The following PNKP variants were observed in gnomAD, a reference collection of about 807,000 sequenced individuals.
The protein encoded by PNKP is polynucleotide kinase 3'-phosphatase.
Under a neutral mutation model 66.2 loss-of-function variants are expected in PNKP, and 82 were observed. The ratio of observed to expected loss-of-function variants is 1.24; its 90% CI spans 1.04 to 1.49. PNKP has a LOEUF of 1.49. PNKP is among the 40% of genes most tolerant of loss of function. PNKP has a pLI of 0.00. For missense variants in PNKP, 907 were observed against 706.8 expected (o/e 1.28, Z -3.21); for synonymous variants, 412 against 298.9 (o/e 1.38, Z -3.90).
At position 49,865,290 on chromosome 19, in the gene PNKP, G is replaced by C. The variant is rs567905136; in HGVS notation, c.335C>G (p.Pro112Arg). 42 of 1,614,228 alleles carry C rather than the reference G, an allele frequency of 2.6e-5. No individual in the cohort carries two copies. The East Asian group carries it at 7.6e-4, about 29-fold the overall frequency. ...AGGCGGAGTATCTGGCTGGGATTCT[G>C]GTGTGCGGGTCTCTTCCCAGCGCAG... Reference protein sequence around the residue: ...LTLRWEETRTPESQPDTPPGT... With the variant: ...LTLRWEETRTRESQPDTPPGT... The change falls in exon 4 of 17, where the codon CCA becomes CGA. Residue 112 changes from proline to arginine, a missense_variant. Transcript: ENST00000322344.
chr19:49,866,677 C>G, intron 2 of PNKP: 1 of 630,622 alleles, frequency 1.6e-6, no homozygotes, highest in South Asian at 1.8e-5. Context: ...TGGTTTCCTC[C>G]TTGACAAAAA....
chr19:49,863,485 G>A (rs930937324), intron 8 of PNKP, among the ~76,000 whole-genome samples: 3 of 152,236 alleles, frequency 2.0e-5, no homozygotes, highest in Non-Finnish European at 4.4e-5. Context: ...ACGAAGGAAT[G>A]AACAGCTTCC....
Position 49,865,243 on chromosome 19 carries a change from C to T in PNKP, c.382G>A (p.Asp128Asn). 1 of 1,614,216 alleles carries T rather than the reference C, an allele frequency of 6.2e-7. No homozygotes were observed. Among genetic ancestry groups the T allele is most frequent in the East Asian group, 2.2e-5 (1 of 44,890 alleles). The change falls in exon 4 of 17, where the codon GAT becomes AAT. Residue 128 changes from aspartate (D) to asparagine (N), a missense_variant. Physicochemically the swap from Asp to Asn is conservative, Grantham distance 23. Coordinates refer to ENST00000322344, the MANE Select transcript of PNKP (RefSeq NM_007254.4). The part of the protein sequence containing the change: ...TPPGTPLVSQ[D>N]EKRDAELPKK... ...GGCAGCTCAGCATCTCTCTTCTCAT[C>T]TTGGGACACCAGAGGGGTGCCAGGC...
In PNKP at chr19:49,861,467, A is replaced by G. The variant is rs766655539; in HGVS notation, c.1430T>C (p.Met477Thr). 1.3e-6 allele frequency: 2 copies of G among 1,593,342 alleles called. No homozygotes were observed. The highest frequency in any genetic ancestry group is 1.4e-5 in the African/African-American group (1 of 73,478). ...TDSSHIPVSDMVMYGYRKQFE... is the reference protein window; with the variant it reads ...TDSSHIPVSDTVMYGYRKQFE... The stretch of plus-strand genomic sequence containing the variant: ...ACAGTACCTGTAGCCATACATGACC[A>G]TGTCTGACACGGGGATATGAGAGGA... The change falls in exon 16 of 17, where the codon ATG (methionine) becomes ACG (threonine). Residue 477 changes from methionine (M) to threonine (T), a missense_variant. Transcript: ENST00000322344.
rs767771095 is a variant in PNKP at position 49,862,577 on chromosome 19, C to T, written c.897G>A (p.Pro299=). Residue 299 remains proline (P), a synonymous_variant, in exon 10 of 17, where the codon CCG becomes CCA. Coordinates refer to ENST00000322344, the MANE Select transcript of PNKP (RefSeq NM_007254.4). The stretch of plus-strand genomic sequence containing the variant: ...AGGAGAAGTCTTTCTTCTTCCGCCC[C>T]GGGGCCCAGTTGGCCGGGCGTCCGG... ...DAAGRPANWA[P]GRKKKDFSCA... is the part of the protein sequence containing the mutation. 62 of 1,613,010 alleles carry T rather than the reference C, an allele frequency of 3.8e-5. No homozygotes were observed. The South Asian group carries it at 4.6e-4, about 12-fold the overall frequency.
chr19:49,866,170 C>A, intron 3 of PNKP: 2 of 563,852 alleles, frequency 3.5e-6, no homozygotes, highest in Non-Finnish European at 6.4e-6. Flanking sequence ...CCACCATTCC[C>A]GCTAATTTTT....
intron 8 of PNKP, 50 bp from the exon 9 acceptor site, chr19:49,862,788 G>A: frequency 6.3e-7 from 1 of 1,596,406 alleles, no homozygotes; most frequent in Non-Finnish European, 8.6e-7. Flanking sequence ...TCCCCCCGCA[G>A]CGGTAGCGGG....
chr19:49,862,606 C>T lies in PNKP; in HGVS notation c.868G>A (p.Ala290Thr), dbSNP rs1485940017. ...GCCCAGTTGGCCGGGCGTCCGGCTG[C>T]GTCTGGAACACACGGGACACCCCGT... is the stretch of plus-strand genomic sequence containing the variant. The part of the protein sequence containing the change: ...SIGDSIFVGD[A>T]AGRPANWAPG... The change falls in exon 10 of 17, where the codon GCA (alanine) becomes ACA (threonine). Residue 290 changes from alanine to threonine, a missense_variant and splice_region_variant. By Grantham distance (58) the Ala-to-Thr change is moderately conservative. Transcript: ENST00000322344. 4.3e-6 allele frequency: 7 copies of T among 1,613,678 alleles called. No homozygotes were observed. The African/African-American group carries it at 5.3e-5, about 12-fold the overall frequency.
chr19:49,862,359 C>T lies in PNKP; in HGVS notation c.1029+12G>A. The T allele has an allele frequency of 1.3e-6, 2 of 1,542,206 alleles. No individual in the cohort carries two copies. Among genetic ancestry groups the T allele is most frequent in the Non-Finnish European group, 1.8e-6 (2 of 1,140,786 alleles). ...TCCCATCCCCACCCCCACCCCCGCC[C>T]CAGGGCCTCACCGGATCAAAGGCTG... On this transcript the variant is annotated intron_variant, in intron 11 of 16. Coordinates refer to ENST00000322344, the MANE Select transcript of PNKP (RefSeq NM_007254.4).
chr19:49,866,472 A>T (rs1267952021), intron 2 of PNKP, 27 bp from the exon 3 acceptor site: 1 of 1,612,616 alleles, frequency 6.2e-7, no homozygotes, highest in African/African-American at 1.3e-5. Flanking sequence ...TGGAGTCAGG[A>T]TTTGCATCCT....
rs530790386 is a variant in PNKP at position 49,861,547 on chromosome 19, T to A, written c.1387-37A>T. The A allele has an allele frequency of 5.9e-5, 79 of 1,344,346 alleles. No individual in the cohort carries two copies. The South Asian group carries it at 9.8e-4, about 17-fold the overall frequency. 83.3% of individuals were successfully genotyped at this position (1,344,346 alleles called of 1,614,324 possible). A position where few individuals can be genotyped will look rare whatever the true frequency, so the allele number is the denominator to read the frequency against. On this transcript the variant is annotated intron_variant, in intron 15 of 16. Transcript: ENST00000322344. ...ATCAGAGGGGCGGCAGGCCCAGGGG[T>A]CAGGGGAGGAGGGGGGTCAGGGGGT...
At chr19:49,864,679 CT>C (rs2074805190) in intron 4 of PNKP, among the ~76,000 whole-genome samples, 1 of 152,228 alleles carries the variant, frequency 6.6e-6, no homozygotes, top group South Asian at 2.1e-4. Flanking sequence ...CAGCCTCCTT[CT>C]TCCCCTGGCC....
intron 8 of PNKP, chr19:49,862,949 C>G (rs577158650): frequency 9.1e-6 from 6 of 659,782 alleles, no homozygotes; most frequent in South Asian, 8.4e-5. Context: ...CCAGGTCTCC[C>G]GACTTCACCT....
chr19:49,866,764 G>C (rs1272709800), intron 2 of PNKP: 1 of 593,288 alleles, frequency 1.7e-6, no homozygotes, highest in Non-Finnish European at 3.0e-6. Context: ...TTCTCCACAG[G>C]ATCATTTTTC....
intron 4 of PNKP, among the ~76,000 whole-genome samples, 161 bp downstream of exon 4, chr19:49,864,966 C>T (rs1295583488): frequency 3.3e-5 from 5 of 152,332 alleles, no homozygotes; most frequent in Admixed American, 6.5e-5. Context: ...TGACATATAT[C>T]ATTCTCCCCA....
Position 49,862,184 on chromosome 19 carries a change from C to T in PNKP, c.1126+1G>A. The T allele has an allele frequency of 1.2e-6, 2 of 1,613,752 alleles. No homozygotes were observed. Among genetic ancestry groups the T allele is most frequent in the Non-Finnish European group, 1.7e-6 (2 of 1,179,724 alleles). ...CACGCGCACAGGAACAGGACACTTA[C>T]CCCCAGGGAATCCCACTGCGACAAC... On this transcript the variant is annotated splice_donor_variant, in intron 12 of 16. Coordinates refer to ENST00000322344, the MANE Select transcript of PNKP (RefSeq NM_007254.4). LOFTEE classifies it high-confidence loss of function.
chr19:49,866,993 C>T, intron 2 of PNKP, 61 bp downstream of exon 2: 1 of 1,535,470 alleles, frequency 6.5e-7, no homozygotes, highest in Non-Finnish European at 9.0e-7. Flanking sequence ...GCCAAGCGTC[C>T]CTCTGGATTG....
chr19:49,862,196 C>T lies in PNKP; in HGVS notation c.1115G>A (p.Gly372Glu). The part of the protein sequence containing the change: ...SASPEVVVAV[G>E]FPGAGKSTFL... The stretch of plus-strand genomic sequence containing the variant: ...AACAGGACACTTACCCCCAGGGAAT[C>T]CCACTGCGACAACCACCTCCGGGCT... Residue 372 changes from glycine (G) to glutamate (E), a missense_variant, in exon 12 of 17, where the codon GGA becomes GAA. Gly to Glu is a moderately conservative substitution (Grantham distance 98). Coordinates refer to ENST00000322344, the MANE Select transcript of PNKP (RefSeq NM_007254.4). The T allele has an allele frequency of 6.2e-7, 1 of 1,613,802 alleles. No homozygotes were observed. The highest frequency in any genetic ancestry group is 1.7e-5 in the Admixed American group (1 of 59,990).
At chr19:49,866,515 T>G (rs1372871308) in intron 2 of PNKP, 70 bp from the exon 3 acceptor site, 1 of 1,458,702 alleles carries the variant, frequency 6.9e-7, no homozygotes, top group East Asian at 2.3e-5. Context: ...CTGGGGAGTG[T>G]GGCCTGCTTC....
Sources: gnomAD v4.1 joint callset for allele counts (sites outside exome capture counted in the v4.1 genomes callset) on GRCh38, gnomAD v4.1.1 for gene constraint, MANE v1.5 for transcripts, NCBI Gene and HGNC (gene_info 2026-07-23, HGNC 2026-07-21) for gene names.